The following PKHD1L1 variants were observed in gnomAD, a reference collection of about 807,000 sequenced individuals.
PKHD1L1 encodes the protein PKHD1 like 1.
In PKHD1L1, 434 loss-of-function variants were observed where a neutral mutation model predicts 462.9. The ratio of observed to expected loss-of-function variants is 0.94; its 90% confidence interval spans 0.87 to 1.02. The LOEUF is 1.02. Ranked by LOEUF, PKHD1L1 falls within the 50% of genes least tolerant of loss-of-function variation. PKHD1L1 has a pLI of 0.00. For missense variants in PKHD1L1, 5,202 were observed against 5,096.1 expected (o/e 1.02, Z -0.63); for synonymous variants, 1,781 against 1,750.0 (o/e 1.02, Z -0.44).
At chr8:109,402,289 A>G (rs1813311323) in intron 14 of PKHD1L1, among the ~76,000 whole-genome samples, 1 of 152,186 alleles carries the variant, frequency 6.6e-6, no homozygotes, top group Non-Finnish European at 1.5e-5. Context: ...AGCACCTCAG[A>G]CTGTAGCAAC....
chr8:109,520,863 T>A (rs746560382), intron 73 of PKHD1L1, among the ~76,000 whole-genome samples: 10 of 152,152 alleles, frequency 6.6e-5, no homozygotes, highest in Non-Finnish European at 2.9e-5. Flanking sequence ...TGCCCTCACA[T>A]GTCGAACGGT....
chr8:109,468,014 T>G (rs987198283), intron 50 of PKHD1L1, among the ~76,000 whole-genome samples: 4 of 152,244 alleles, frequency 2.6e-5, no homozygotes, highest in African/African-American at 4.8e-5. Flanking sequence ...CATGTTACTT[T>G]AAAATGCTAT....
chr8:109,477,132 C>T, intron 52 of PKHD1L1, 93 bp from the exon 53 acceptor site: 1 of 1,226,260 alleles, frequency 8.2e-7, no homozygotes, highest in Non-Finnish European at 1.2e-6. Flanking sequence ...CAAGTTACTA[C>T]CTAAAGAACA....
At chr8:109,411,564 C>A (rs1813857656) in intron 19 of PKHD1L1, among the ~76,000 whole-genome samples, 2 of 152,166 alleles carry the variant, frequency 1.3e-5, no homozygotes, top group African/African-American at 2.4e-5. Context: ...TCCTTTCCTA[C>A]TTCATTTCTC....
chr8:109,445,502 A>T lies in PKHD1L1; in HGVS notation c.5633A>T (p.Asn1878Ile). 6.2e-7 allele frequency: 1 copy of T among 1,613,788 alleles called. No homozygotes were observed. Among genetic ancestry groups the T allele is most frequent in the Non-Finnish European group, 8.5e-7 (1 of 1,179,820 alleles). The change falls in exon 38 of 78, where the codon AAT (asparagine) becomes ATT (isoleucine). Residue 1878 changes from asparagine (N) to isoleucine (I), a missense_variant. This residue lies in a region of PKHD1L1 where 4,497 missense variants were observed against 4,336.8 expected (regional missense o/e 1.04). Coordinates refer to ENST00000378402, the MANE Select transcript of PKHD1L1 (RefSeq NM_177531.6). ...EPCQIISINP[N>I]EVYCRTPAGT... is the part of the protein sequence containing the mutation. ...TGTCAAATTATTTCCATCAACCCCAATGAAGTCTACTGCCGCACTCCCGCT... is the reference window on the plus strand; with the variant it reads ...TGTCAAATTATTTCCATCAACCCCATTGAAGTCTACTGCCGCACTCCCGCT...
Position 109,441,256 on chromosome 8 carries a change from C to A in PKHD1L1, c.4100-19C>A. The A allele has an allele frequency of 1.4e-6, 2 of 1,430,708 alleles. No individual in the cohort carries two copies. Among genetic ancestry groups the A allele is most frequent in the Non-Finnish European group, 1.9e-6 (2 of 1,057,866 alleles). 88.6% of individuals were successfully genotyped at this position (1,430,708 alleles called of 1,614,324 possible). ...AAAATGTTTGCTTTTTAAAAATATGCAGTATTTATTCTTTCTAGGGTCCAT... is the reference window on the plus strand; with the variant it reads ...AAAATGTTTGCTTTTTAAAAATATGAAGTATTTATTCTTTCTAGGGTCCAT... On this transcript the variant is annotated intron_variant, in intron 33 of 77. Transcript: ENST00000378402.
chr8:109,442,761 G>A (rs902474251), intron 35 of PKHD1L1, among the ~76,000 whole-genome samples, 185 bp from the exon 36 acceptor site: 1 of 151,998 alleles, frequency 6.6e-6, no homozygotes, highest in Non-Finnish European at 1.5e-5. Flanking sequence ...ATGTAATTTC[G>A]TTACACAAGA....
At chr8:109,397,511 C>A (rs13266838) in intron 11 of PKHD1L1, among the ~76,000 whole-genome samples, 44,998 of 149,092 alleles carry the variant, frequency 0.3, 7,240 homozygotes, top group Admixed American at 0.44. Context: ...TCTGTCTCTA[C>A]AAAAAAAGAA....
At chr8:109,438,497 A>G (rs1253584007) in intron 31 of PKHD1L1, 41 bp downstream of exon 31, 3 of 1,482,508 alleles carry the variant, frequency 2.0e-6, no homozygotes, top group Non-Finnish European at 2.7e-6. Flanking sequence ...TGTCCTATGT[A>G]TAAAAAACAT....
chr8:109,411,529 A>G (rs1336223383), intron 19 of PKHD1L1, among the ~76,000 whole-genome samples: 1 of 152,158 alleles, frequency 6.6e-6, no homozygotes, highest in Non-Finnish European at 1.5e-5. Flanking sequence ...AGCCATGAGG[A>G]TGGTACATGT....
chr8:109,434,672 T>G (rs1053871336), intron 28 of PKHD1L1, among the ~76,000 whole-genome samples: 2 of 152,160 alleles, frequency 1.3e-5, no homozygotes, highest in African/African-American at 4.8e-5. Context: ...TTTCACCATG[T>G]TGGCCAAGCT....
intron 2 of PKHD1L1, among the ~76,000 whole-genome samples, chr8:109,376,880 C>T (rs138142411): frequency 2.0e-5 from 3 of 152,256 alleles, no homozygotes; most frequent in African/African-American, 7.2e-5. Flanking sequence ...GCTGGGATTC[C>T]AGGCCAGAAT....
chr8:109,409,803 G>T, intron 18 of PKHD1L1, 62 bp from the exon 19 acceptor site: 1 of 830,656 alleles, frequency 1.2e-6, no homozygotes. Flanking sequence ...ATCAGTAGTA[G>T]GATTACGAGT....
chr8:109,391,617 T>C (rs943467602), intron 9 of PKHD1L1, among the ~76,000 whole-genome samples: 8 of 152,136 alleles, frequency 5.3e-5, no homozygotes, highest in African/African-American at 1.9e-4. Context: ...CCATATAAAT[T>C]GCATTATTTA....
In PKHD1L1 at chr8:109,465,058, C is replaced by G. The variant is rs771102684; in HGVS notation, c.8226C>G (p.His2742Gln). The G allele has an allele frequency of 6.2e-7, 1 of 1,613,824 alleles. No homozygotes were observed. Among genetic ancestry groups the G allele is most frequent in the Non-Finnish European group, 8.5e-7 (1 of 1,179,792 alleles). Reference protein sequence around the residue: ...FSEGLTVSSVHFMNFDRPNCV... With the variant: ...FSEGLTVSSVQFMNFDRPNCV... The stretch of plus-strand genomic sequence containing the variant: ...AAGGCTTGACTGTCTCTTCTGTGCA[C>G]TTTATGAACTTTGACCGTCCCAACT... The change falls in exon 49 of 78, where the codon CAC becomes CAG. Residue 2742 changes from histidine (H) to glutamine (Q), a missense_variant. His to Gln is a conservative substitution (Grantham distance 24). Transcript: ENST00000378402.
In PKHD1L1 at chr8:109,377,826, T is replaced by C. The variant is rs1351194902; in HGVS notation, c.164-3544T>C. Among the ~76,000 whole-genome samples the C allele has an allele frequency of 2.6e-5, 4 of 152,230 alleles. No individual in the cohort carries two copies. In the East Asian group the frequency reaches 7.7e-4, roughly 29 times the overall value. Reference sequence around the variant, plus strand: ...AATCTTATTCATAGGTTTTATTTCTTGGGTTTATTCCAAAAGTGAATATTG... The same window carrying C: ...AATCTTATTCATAGGTTTTATTTCTCGGGTTTATTCCAAAAGTGAATATTG... On this transcript the variant is annotated intron_variant, in intron 2 of 77. Coordinates refer to ENST00000378402, the MANE Select transcript of PKHD1L1 (RefSeq NM_177531.6).
chr8:109,459,967 A>G, intron 47 of PKHD1L1, 131 bp downstream of exon 47: 1 of 722,448 alleles, frequency 1.4e-6, no homozygotes, highest in Non-Finnish European at 1.9e-6. Context: ...AATGATATTA[A>G]TCTTATAAGA....
rs369873942 is a variant in PKHD1L1 at position 109,427,157 on chromosome 8, G to T, written c.3000+1G>T. On this transcript the variant is annotated splice_donor_variant, in intron 25 of 77. Transcript: ENST00000378402. LOFTEE classifies it high-confidence loss of function. ...CTGCGGAAAGCAGAATCTTCTACAG[G>T]TTCCCTCATTTGGCTTGGCTTCTCT... 1.4e-4 allele frequency: 224 copies of T among 1,611,864 alleles called. No homozygotes were observed. The highest frequency in any genetic ancestry group is 1.8e-4 in the Non-Finnish European group (211 of 1,178,372).
chr8:109,434,056 G>A (rs1156785175), intron 28 of PKHD1L1, among the ~76,000 whole-genome samples: 1 of 152,030 alleles, frequency 6.6e-6, no homozygotes, highest in African/African-American at 2.4e-5. Context: ...AGTGGGAGTT[G>A]AACAATGAGA....
Sources: gnomAD v4.1 joint callset for allele counts (sites outside exome capture counted in the v4.1 genomes callset) on GRCh38, gnomAD v4.1.1 for gene constraint, gnomAD v4.1.1 regional missense constraint, MANE v1.5 for transcripts, NCBI Gene and HGNC (gene_info 2026-07-23, HGNC 2026-07-21) for gene names.